The following MDC1 variants were observed in gnomAD, a reference collection of about 807,000 sequenced individuals.
The protein encoded by MDC1 is mediator of DNA damage checkpoint 1, also known as mediator of DNA damage checkpoint protein 1.
A neutral mutation model predicts 142.5 loss-of-function variants in MDC1; 81 were observed. The observed-to-expected ratio is 0.57, with a 90% CI of 0.47 to 0.68. The LOEUF (loss-of-function observed/expected upper bound fraction) is 0.68. Among genes scored for constraint, MDC1 ranks in the 30% least tolerant of loss-of-function variants. The probability of loss-of-function intolerance (pLI) is 0.00; values close to 1 mark genes in which losing one functional copy is unlikely to be tolerated. For missense variants in MDC1, 2,119 were observed against 2,547.9 expected (o/e 0.83, Z 3.62); for synonymous variants, 797 against 968.4 (o/e 0.82, Z 3.29).
In MDC1 at chr6:30,703,836, T is replaced by G. The variant is rs772549982; in HGVS notation, c.5347A>C (p.Ile1783Leu). The G allele has an allele frequency of 2.5e-5, 40 of 1,612,440 alleles. No individual in the cohort carries two copies. Among genetic ancestry groups the G allele is most frequent in the Non-Finnish European group, 3.1e-5 (36 of 1,179,186 alleles). ...PASPQLLETP[I>L]HASQIQKVEP... ...ACCTTTTGGATCTGGGAGGCATGAATTGGTGTCTCAAGAAGCTGGGGAGAG... is the reference window on the plus strand; with the variant it reads ...ACCTTTTGGATCTGGGAGGCATGAAGTGGTGTCTCAAGAAGCTGGGGAGAG... The change falls in exon 10 of 15, where the codon ATT (isoleucine) becomes CTT (leucine). Residue 1783 changes from isoleucine to leucine, a missense_variant. By Grantham distance (5) the Ile-to-Leu change is conservative. Coordinates refer to ENST00000376406, the MANE Select transcript of MDC1 (RefSeq NM_014641.3). The surrounding 1 kb of genome is among the most constrained non-coding windows in gnomAD (Gnocchi z 4.4).
chr6:30,706,873 G>A (rs1773963019), intron 9 of MDC1, among the ~76,000 whole-genome samples: 1 of 151,814 alleles, frequency 6.6e-6, no homozygotes, highest in Non-Finnish European at 1.5e-5. Context: ...GCTGCGGCAG[G>A]AAAATTGTTT....
At position 30,703,567 on chromosome 6, in the gene MDC1, T is replaced by C. The variant is rs115442908; in HGVS notation, c.5563-30A>G. On this transcript the variant is annotated intron_variant, in intron 10 of 14. Transcript: ENST00000376406. This position sits in a 1 kb window ranked among gnomAD's most constrained non-coding sequence, Gnocchi z 4.4. ...GATTGAGAAAAATCTTGGTGGGAGT[T>C]TCAGAGCCCTGAAGTCATTTTTCCC... The C allele has an allele frequency of 3.4e-3, 5,545 of 1,612,790 alleles. 167 individuals are homozygous for C. The South Asian group carries it at 0.044, about 13-fold the overall frequency.
At position 30,703,825 on chromosome 6, in the gene MDC1, G is replaced by A; in HGVS notation, c.5358C>T (p.Ser1786=). The change falls in exon 10 of 15, where the codon TCC becomes TCT. Residue 1786 remains serine (S), a synonymous_variant. Transcript: ENST00000376406. The surrounding 1 kb of genome is among the most constrained non-coding windows in gnomAD (Gnocchi z 4.4). ...PQLLETPIHA[S]QIQKVEPAGR... is the part of the protein sequence containing the mutation. ...CTGCTGGTTCCACCTTTTGGATCTG[G>A]GAGGCATGAATTGGTGTCTCAAGAA... 6.2e-7 allele frequency: 1 copy of A among 1,610,568 alleles called. No homozygotes were observed. The highest frequency in any genetic ancestry group is 2.2e-5 in the East Asian group (1 of 44,866).
rs373893974 is a variant in MDC1, at chr6:30,713,741, G to A, written c.518-24C>T. The A allele has an allele frequency of 6.2e-7, 1 of 1,613,880 alleles. No homozygotes were observed. Among genetic ancestry groups the A allele is most frequent in the Non-Finnish European group, 8.5e-7 (1 of 1,179,922 alleles). ...ATCTGTCAAGAACAGAAAGGAATGA[G>A]TTGACAATTGTACACTCATTATTCC... On this transcript the variant is annotated intron_variant, in intron 3 of 14. Transcript: ENST00000376406. The surrounding 1 kb of genome is among the most constrained non-coding windows in gnomAD (Gnocchi z 4.9).
rs1773430938 is a variant in MDC1, at chr6:30,704,763, T to C, written c.4420A>G (p.Thr1474Ala). The C allele has an allele frequency of 2.5e-6, 4 of 1,611,764 alleles. No individual in the cohort carries two copies. The South Asian group carries it at 3.3e-5, about 13-fold the overall frequency. The change falls in exon 10 of 15, where the codon ACT becomes GCT. Residue 1474 changes from threonine to alanine, a missense_variant. Physicochemically the swap from Thr to Ala is moderately conservative, Grantham distance 58. Coordinates refer to ENST00000376406, the MANE Select transcript of MDC1 (RefSeq NM_014641.3). ...GAGGATCTATCTGTTCTTCCCCTAG[T>C]AGCCTGAGACGTAGGCTCAGGGGTA... ...PVTPEPTSQATRGRTDRSSVK... is the reference protein window; with the variant it reads ...PVTPEPTSQAARGRTDRSSVK...
chr6:30,711,794 T>A (rs1774946494), intron 5 of MDC1, 68 bp from the exon 6 acceptor site: 2 of 1,571,182 alleles, frequency 1.3e-6, no homozygotes, highest in African/African-American at 1.4e-5. Flanking sequence ...CCTTAAATAA[T>A]CTCTACCTTT....
chr6:30,704,321 G>A lies in MDC1; in HGVS notation c.4862C>T (p.Pro1621Leu), dbSNP rs774976533. ...GACAGGCTGGTCTGTGGAGGTGGTA[G>A]GATGGGGCTCAGGGGCTGTGGGGAC... ...PVVPTAPEPH[P>L]TTSTDQPVTP... The change falls in exon 10 of 15, where the codon CCT becomes CTT. Residue 1621 changes from proline (P) to leucine (L), a missense_variant. Transcript: ENST00000376406. 17 of 1,613,630 alleles carry A rather than the reference G, an allele frequency of 1.1e-5. No individual in the cohort carries two copies. The African/African-American group carries it at 2.1e-4, about 20-fold the overall frequency.
rs531485295 is a variant in MDC1, at chr6:30,717,261, C to G, written c.-20G>C. On this transcript the variant is annotated 5_prime_UTR_variant, in exon 1 of 15. Transcript: ENST00000376406. ...AGAACTCACCTACTTTAAGTCCCCG[C>G]GCGCGCCACCAGTAACGGTCGCGAC... The G allele has an allele frequency of 6.6e-6, 1 of 152,340 alleles. No homozygotes were observed. Among genetic ancestry groups the G allele is most frequent in the East Asian group, 1.9e-4 (1 of 5,188 alleles). 9.4% of individuals were successfully genotyped at this position (152,340 alleles called of 1,614,324 possible). A position where few individuals can be genotyped will look rare whatever the true frequency, so the allele number is the denominator to read the frequency against.
Position 30,711,976 on chromosome 6 carries a change from C to T in MDC1, c.1966G>A (p.Gly656Arg), listed in dbSNP as rs1381449278. The change falls in exon 5 of 15, where the codon GGG becomes AGG. Residue 656 changes from glycine (G) to arginine (R), a missense_variant. Physicochemically the swap from Gly to Arg is moderately radical, Grantham distance 125. Coordinates refer to ENST00000376406, the MANE Select transcript of MDC1 (RefSeq NM_014641.3). Reference protein sequence around the residue: ...TDLVVDTDTLGESTQPQREGA... With the variant: ...TDLVVDTDTLRESTQPQREGA... ...TCTCTCTGTGGCTGGGTGGATTCCCCTAGAGTGTCTGTGTCCACCACCAGA... is the reference window on the plus strand; with the variant it reads ...TCTCTCTGTGGCTGGGTGGATTCCCTTAGAGTGTCTGTGTCCACCACCAGA... 1.9e-6 allele frequency: 3 copies of T among 1,594,456 alleles called. No homozygotes were observed. The Admixed American group carries it at 5.2e-5, about 28-fold the overall frequency.
chr6:30,710,795 T>G (rs1328316004), intron 7 of MDC1, among the ~76,000 whole-genome samples: 6 of 152,208 alleles, frequency 3.9e-5, no homozygotes, highest in Middle Eastern at 3.4e-3. Context: ...GTGTGTGTGT[T>G]TTTTTTAAGA....
chr6:30,705,629 T>C lies in MDC1; in HGVS notation c.3554A>G (p.Gln1185Arg), dbSNP rs760422571. ...TCTACTTTTTCTTCCCCTAGTAACC[T>C]GAGATGTGGGCTCAGAGGTGACAGG... ...DQPVTSEPTS[Q>R]VTRGRKSRSS... The change falls in exon 10 of 15, where the codon CAG (glutamine) becomes CGG (arginine). Residue 1185 changes from glutamine to arginine, a missense_variant. Physicochemically the swap from Gln to Arg is conservative, Grantham distance 43. Coordinates refer to ENST00000376406, the MANE Select transcript of MDC1 (RefSeq NM_014641.3). The C allele has an allele frequency of 3.1e-6, 5 of 1,602,384 alleles. No individual in the cohort carries two copies. Among genetic ancestry groups the C allele is most frequent in the Admixed American group, 1.7e-5 (1 of 59,306 alleles).
Position 30,703,931 on chromosome 6 carries a change from T to C in MDC1, c.5252A>G (p.Gln1751Arg), listed in dbSNP as rs1192874324. The C allele has an allele frequency of 1.2e-6, 2 of 1,614,172 alleles. No homozygotes were observed. The highest frequency in any genetic ancestry group is 1.7e-6 in the Non-Finnish European group (2 of 1,180,030). ...PCSAPLEPKS[Q>R]ASRNQRWGAV... ...TCCCCATCTTTGGTTCCTTGAGGCC[T>C]GGGATTTAGGTTCCAAGGGTGCAGA... Residue 1751 changes from glutamine (Q) to arginine (R), a missense_variant, in exon 10 of 15, where the codon CAG (glutamine) becomes CGG (arginine). Transcript: ENST00000376406. This position sits in a 1 kb window ranked among gnomAD's most constrained non-coding sequence, Gnocchi z 4.4.
At chr6:30,706,620 TAAAAAAAAAAAAAAA>T (rs9278748) in intron 9 of MDC1, among the ~76,000 whole-genome samples, 2 of 42,788 alleles carry the variant, frequency 4.7e-5, no homozygotes, top group Non-Finnish European at 7.7e-5. Context: ...AGACTCTGTC[TAAAAAAAAAAAAAAA>T]AAAAAAAAAA....
chr6:30,713,006 C>T lies in MDC1; in HGVS notation c.936G>A (p.Arg312=), dbSNP rs1176145155. The T allele has an allele frequency of 1.2e-6, 2 of 1,612,636 alleles. No individual in the cohort carries two copies. The highest frequency in any genetic ancestry group is 1.1e-5 in the South Asian group (1 of 91,050). The change falls in exon 5 of 15, where the codon AGG becomes AGA. Residue 312 remains arginine, a synonymous_variant. Coordinates refer to ENST00000376406, the MANE Select transcript of MDC1 (RefSeq NM_014641.3). This position sits in a 1 kb window ranked among gnomAD's most constrained non-coding sequence, Gnocchi z 4.9. ...DVDDDSRPPG[R]PAEVHLERAQ... is the part of the protein sequence containing the mutation. The stretch of plus-strand genomic sequence containing the variant: ...CCCTTTCCAAATGGACCTCAGCTGG[C>T]CTTCCAGGAGGCCTGCTGTCATCAT...
intron 14 of MDC1, among the ~76,000 whole-genome samples, chr6:30,701,023 C>T (rs1276596195): frequency 2.7e-5 from 4 of 146,340 alleles, no homozygotes; most frequent in South Asian, 4.4e-4. Flanking sequence ...TGCAGTGAGC[C>T]GAGATCGCGC....
At chr6:30,706,838 G>A (rs1044558835) in intron 9 of MDC1, among the ~76,000 whole-genome samples, 8 of 151,156 alleles carry the variant, frequency 5.3e-5, no homozygotes, top group Admixed American at 4.6e-4. Flanking sequence ...GGTGACATGC[G>A]CCTGTAGTCC....
rs559343630 is a variant in MDC1 at position 30,713,554 on chromosome 6, C to T, written c.587+94G>A. 11 of 1,384,248 alleles carry T rather than the reference C, an allele frequency of 7.9e-6. No homozygotes were observed. The South Asian group carries it at 1.3e-4, about 16-fold the overall frequency. 85.7% of individuals were successfully genotyped at this position (1,384,248 alleles called of 1,614,324 possible). A position where few individuals can be genotyped will look rare whatever the true frequency, so the allele number is the denominator to read the frequency against. On this transcript the variant is annotated intron_variant, in intron 4 of 14. Coordinates refer to ENST00000376406, the MANE Select transcript of MDC1 (RefSeq NM_014641.3). This position sits in a 1 kb window ranked among gnomAD's most constrained non-coding sequence, Gnocchi z 4.9. ...AATATGTATGGTTCCCCAGCCCCAA[C>T]TCTCATGATAATCATCTCTTTTAGA...
chr6:30,712,902 A>T lies in MDC1; in HGVS notation c.1040T>A (p.Met347Lys). 6.2e-7 allele frequency: 1 copy of T among 1,613,030 alleles called. No homozygotes were observed. Among genetic ancestry groups the T allele is most frequent in the Non-Finnish European group, 8.5e-7 (1 of 1,180,028 alleles). The stretch of plus-strand genomic sequence containing the variant: ...TCCATGGAAGATCTTCCTCTTCTTC[A>T]TAGGAATGACAACTGGGGTTGCTGG... ...RIPATPVVIP[M>K]KKRKIFHGVG... Residue 347 changes from methionine to lysine, a missense_variant, in exon 5 of 15, where the codon ATG becomes AAG. By Grantham distance (95) the Met-to-Lys change is moderately conservative. Transcript: ENST00000376406. This position sits in a 1 kb window ranked among gnomAD's most constrained non-coding sequence, Gnocchi z 4.7.
rs556389160 is a variant in MDC1, at chr6:30,705,952, G to A, written c.3231C>T (p.Thr1077=). The A allele has an allele frequency of 2.5e-5, 40 of 1,613,940 alleles. No individual in the cohort carries two copies. The South Asian group carries it at 2.7e-4, about 11-fold the overall frequency. Residue 1077 remains threonine, a synonymous_variant, in exon 10 of 15, where the codon ACC becomes ACT. Transcript: ENST00000376406. The part of the protein sequence containing the change: ...LSPLLPSIKP[T]VRKTRQDGSQ... ...TCCCATCTTGCCTGGTCTTACGAACGGTTGGCTTGATAGAAGGTAAAAGGG... is the reference window on the plus strand; with the variant it reads ...TCCCATCTTGCCTGGTCTTACGAACAGTTGGCTTGATAGAAGGTAAAAGGG...
Sources: allele counts gnomAD v4.1 joint callset (sites outside exome capture counted in the v4.1 genomes callset), GRCh38; gene constraint gnomAD v4.1.1; non-coding constraint Gnocchi (gnomAD v3.1); transcripts MANE v1.5; gene names NCBI Gene and HGNC (gene_info 2026-07-23, HGNC 2026-07-21).